The following ELOVL4 variants were observed in gnomAD, a reference collection of about 807,000 sequenced individuals.
ELOVL4 encodes the protein ELOVL fatty acid elongase 4.
Under a neutral mutation model 42.1 loss-of-function variants are expected in ELOVL4, and 18 were observed. The ratio of observed to expected loss-of-function variants is 0.43; its 90% CI spans 0.30 to 0.63. The LOEUF is 0.63. ELOVL4 is among the 30% of genes least tolerant of loss of function. The pLI, the probability that ELOVL4 is intolerant of heterozygous loss-of-function variation, is 0.15. For missense variants in ELOVL4, 299 were observed against 376.2 expected, an observed-to-expected ratio of 0.79 and a Z score of 1.70; for synonymous variants, 117 against 127.0, an observed-to-expected ratio of 0.92 and a Z score of 0.53.
chr6:79,918,325 G>A (rs1237874826), intron 5 of ELOVL4, among the ~76,000 whole-genome samples: 2 of 152,174 alleles, frequency 1.3e-5, no homozygotes, highest in African/African-American at 4.8e-5. Flanking sequence ...ATAAGGGTGT[G>A]ATTGGGTATG....
rs753248002 is a variant in ELOVL4 at position 79,921,629 on chromosome 6, T to C, written c.537A>G (p.Gly179=). ...WWIGIKWVAG[G]QAFFGAQLNS... is the part of the protein sequence containing the mutation. ...TATATTCCTGAAAATGCTCACCTTG[T>C]CCTCCTGCAACCCACTTAATTCCAA... The change falls in exon 4 of 6, where the codon GGA becomes GGG. Residue 179 remains glycine (G), a synonymous_variant. Transcript: ENST00000369816. 4.3e-6 allele frequency: 7 copies of C among 1,613,918 alleles called. No individual in the cohort carries two copies. The Admixed American group carries it at 6.7e-5, about 15-fold the overall frequency.
intron 4 of ELOVL4, among the ~76,000 whole-genome samples, chr6:79,921,031 C>T (rs1774243255): frequency 6.6e-6 from 1 of 152,154 alleles, no homozygotes; most frequent in African/African-American, 2.4e-5. Context: ...TGGATCAGAA[C>T]TACTAGACCC....
At chr6:79,936,511 A>T (rs943443985) in intron 1 of ELOVL4, among the ~76,000 whole-genome samples, 8 of 152,188 alleles carry the variant, frequency 5.3e-5, no homozygotes, top group Non-Finnish European at 8.8e-5. Flanking sequence ...AAATGTCACG[A>T]GGGCCAATGC....
In ELOVL4 at chr6:79,947,306, A is replaced by AGGAGAAAGCGGAGACCC; in HGVS notation, c.-44_-28dup. 6.3e-7 allele frequency: 1 copy of AGGAGAAAGCGGAGACCC among 1,582,596 alleles called. No individual in the cohort carries two copies. The highest frequency in any genetic ancestry group is 1.1e-5 in the South Asian group (1 of 89,722). On this transcript the variant is annotated 5_prime_UTR_variant, in exon 1 of 6. Coordinates refer to ENST00000369816, the MANE Select transcript of ELOVL4 (RefSeq NM_022726.4). ...GCGGCGATGAGCGGGCGCTGGCGGC[A>AGGAGAAAGCGGAGACCC]GGAGAAAGCGGAGACCCAGAGAGAG...
chr6:79,934,091 C>G (rs982740735), intron 1 of ELOVL4, among the ~76,000 whole-genome samples: 1 of 152,156 alleles, frequency 6.6e-6, no homozygotes, highest in Admixed American at 6.5e-5. Context: ...TAGGTGGAGG[C>G]GTCCAGTAGC....
chr6:79,919,206 C>G (rs1428657216), intron 5 of ELOVL4, among the ~76,000 whole-genome samples: 1 of 152,082 alleles, frequency 6.6e-6, no homozygotes, highest in Non-Finnish European at 1.5e-5. Context: ...TATGTCTAGT[C>G]TTTTAAGCAT....
chr6:79,933,001 T>C (rs1774476086), intron 1 of ELOVL4, among the ~76,000 whole-genome samples: 1 of 152,184 alleles, frequency 6.6e-6, no homozygotes, highest in South Asian at 2.1e-4. Context: ...TGACAAGATA[T>C]AAGCAAATGA....
rs954920212 is a variant in ELOVL4 at position 79,940,530 on chromosome 6, T to G, written c.100+6650A>C. ...AAAATGCTCATATATAAAGTGTTTA[T>G]AATAGAAAATCATTTGTAATGATGT... On this transcript the variant is annotated intron_variant, in intron 1 of 5. Coordinates refer to ENST00000369816, the MANE Select transcript of ELOVL4 (RefSeq NM_022726.4). Among the ~76,000 whole-genome samples the G allele has an allele frequency of 2.0e-5, 3 of 152,188 alleles. No homozygotes were observed. The South Asian group carries it at 6.2e-4, about 31-fold the overall frequency.
At chr6:79,943,737 A>G (rs1774688325) in intron 1 of ELOVL4, among the ~76,000 whole-genome samples, 1 of 152,162 alleles carries the variant, frequency 6.6e-6, no homozygotes, top group African/African-American at 2.4e-5. Context: ...GTGCCTGTAC[A>G]TGGCAAGTAA....
intron 1 of ELOVL4, among the ~76,000 whole-genome samples, chr6:79,927,941 T>C (rs1194075971): frequency 6.6e-6 from 1 of 152,180 alleles, no homozygotes; most frequent in Non-Finnish European, 1.5e-5. Context: ...CGGCTGACTT[T>C]TGTTAAAAAG....
chr6:79,946,305 T>A (rs1413185485), intron 1 of ELOVL4, among the ~76,000 whole-genome samples: 1 of 152,156 alleles, frequency 6.6e-6, no homozygotes, highest in Non-Finnish European at 1.5e-5. Context: ...AACAGTACAA[T>A]GTAAAAATAT....
Position 79,914,947 on chromosome 6 carries a change from G to A in ELOVL4, c.*1661C>T, listed in dbSNP as rs1257638484. The A allele has an allele frequency of 6.6e-6, 1 of 152,436 alleles. No homozygotes were observed. Among genetic ancestry groups the A allele is most frequent in the East Asian group, 1.9e-4 (1 of 5,192 alleles). 9.4% of individuals were successfully genotyped at this position (152,436 alleles called of 1,614,324 possible). A position where few individuals can be genotyped will look rare whatever the true frequency, so the allele number is the denominator to read the frequency against. On this transcript the variant is annotated 3_prime_UTR_variant, in exon 6 of 6. Transcript: ENST00000369816. ...ATTACACACTGAGCAACAAAACAAA[G>A]GTGTTGAATCCTCTTAGATCAAACT...
chr6:79,918,472 A>C (rs1470976655), intron 5 of ELOVL4, among the ~76,000 whole-genome samples: 1 of 152,206 alleles, frequency 6.6e-6, no homozygotes, highest in Non-Finnish European at 1.5e-5. Flanking sequence ...CTGTGTTAAC[A>C]GCTTTTACAC....
At chr6:79,944,408 G>A (rs559476193) in intron 1 of ELOVL4, among the ~76,000 whole-genome samples, 3 of 152,062 alleles carry the variant, frequency 2.0e-5, no homozygotes, top group Admixed American at 6.5e-5. Context: ...ATAAACCAAC[G>A]CTAATTTCCT....
intron 2 of ELOVL4, 77 bp from the exon 3 acceptor site, chr6:79,925,109 A>G (rs894420551): frequency 1.0e-6 from 1 of 964,432 alleles, no homozygotes; most frequent in Non-Finnish European, 1.6e-6. Context: ...TACAAAATGT[A>G]GCCTTTCAAA....
intron 2 of ELOVL4, among the ~76,000 whole-genome samples, chr6:79,925,500 A>G (rs1774328036): frequency 6.6e-6 from 1 of 152,206 alleles, no homozygotes; most frequent in Admixed American, 6.5e-5. Context: ...TTATTTTCCT[A>G]GCATTACTAG....
At position 79,947,291 on chromosome 6, in the gene ELOVL4, G is replaced by C. The variant is rs1351268404; in HGVS notation, c.-12C>G. On this transcript the variant is annotated 5_prime_UTR_variant, in exon 1 of 6. Coordinates refer to ENST00000369816, the MANE Select transcript of ELOVL4 (RefSeq NM_022726.4). ...TCCAGGAGCCCCATCGCGGCGATGA[G>C]CGGGCGCTGGCGGCAGGAGAAAGCG... 1.2e-6 allele frequency: 2 copies of C among 1,602,328 alleles called. No individual in the cohort carries two copies. Among genetic ancestry groups the C allele is most frequent in the Non-Finnish European group, 1.7e-6 (2 of 1,171,696 alleles).
rs1561982006 is a variant in ELOVL4, at chr6:79,916,590, GTTAAGGCCCAGTTCAAT to G, written c.*1_*17del. ...GAGTTTTTCCTCACTGTCAACAACA[GTTAAGGCCCAGTTCAAT>G]TTAATCTCCTTTTGCTTTTCCATTT... On this transcript the variant is annotated 3_prime_UTR_variant, in exon 6 of 6. Coordinates refer to ENST00000369816, the MANE Select transcript of ELOVL4 (RefSeq NM_022726.4). 9.9e-6 allele frequency: 16 copies of G among 1,612,912 alleles called. No individual in the cohort carries two copies. The highest frequency in any genetic ancestry group is 1.3e-5 in the African/African-American group (1 of 74,870).
chr6:79,938,299 C>G (rs1183540883), intron 1 of ELOVL4, among the ~76,000 whole-genome samples: 2 of 152,112 alleles, frequency 1.3e-5, no homozygotes, highest in African/African-American at 4.8e-5. Context: ...CCAATGAACT[C>G]AAAGCTTTAA....
Sources: allele counts gnomAD v4.1 joint callset (sites outside exome capture counted in the v4.1 genomes callset), GRCh38; gene constraint gnomAD v4.1.1; transcripts MANE v1.5; gene names NCBI Gene and HGNC (gene_info 2026-07-23, HGNC 2026-07-21).